Variants in CTNND1 observed in about 807,000 individuals in gnomAD.
CTNND1 encodes the protein catenin delta 1.
CTNND1 carries 16 observed loss-of-function variants against 112.1 expected under a neutral mutation model. The ratio of observed to expected loss-of-function variants is 0.14; its 90% CI spans 0.10 to 0.22. The LOEUF (loss-of-function observed/expected upper bound fraction) is 0.22. Among genes scored for constraint, CTNND1 ranks in the 10% least tolerant of loss-of-function variants. CTNND1 has a pLI of 1.00. For missense variants in CTNND1, 1,008 were observed against 1,257.0 expected, an observed-to-expected ratio of 0.80 and a Z score of 3.00; for synonymous variants, 420 against 446.5, an observed-to-expected ratio of 0.94 and a Z score of 0.75.
intron 7 of CTNND1, among the ~76,000 whole-genome samples, chr11:57,802,819 A>C (rs947418244): frequency 6.6e-6 from 1 of 152,238 alleles, no homozygotes; most frequent in East Asian, 1.9e-4. Context: ...GAATAAAGAA[A>C]AAGTAGTATA....
intron 7 of CTNND1, among the ~76,000 whole-genome samples, chr11:57,803,009 C>T (rs2137157468): frequency 6.6e-6 from 1 of 152,280 alleles, no homozygotes; most frequent in Non-Finnish European, 1.5e-5. Flanking sequence ...GACAAGACAG[C>T]TCCTCATAAC....
chr11:57,793,933 G>A lies in CTNND1; in HGVS notation c.196-77G>A, dbSNP rs2061050640. 2.7e-6 allele frequency: 4 copies of A among 1,469,418 alleles called. No homozygotes were observed. The Admixed American group carries it at 6.8e-5, about 25-fold the overall frequency. The allele number at this position is 1,469,418 out of a possible 1,614,324, so 91.0% of individuals were successfully genotyped here. On this transcript the variant is annotated intron_variant, in intron 3 of 20. Transcript: ENST00000399050. ...CTTCTTGAAAGCCCTTTTCCTGTTTGAAAAAAAGATCGTTTGTATTTGATA... is the reference window on the plus strand; with the variant it reads ...CTTCTTGAAAGCCCTTTTCCTGTTTAAAAAAAAGATCGTTTGTATTTGATA...
In CTNND1 at chr11:57,801,847, G is replaced by T. The variant is rs1216624498; in HGVS notation, c.1071G>T (p.Gly357=). The stretch of plus-strand genomic sequence containing the variant: ...GCTTGGATAGCCTGCGCAAAGGAGG[G>T]CCTCCACCTCCTAATTGGAGACAGC... ...LASLDSLRKG[G]PPPPNWRQPE... Residue 357 remains glycine, a synonymous_variant, in exon 7 of 21, where the codon GGG becomes GGT. Coordinates refer to ENST00000399050, the MANE Select transcript of CTNND1 (RefSeq NM_001085458.2). The T allele has an allele frequency of 2.5e-6, 4 of 1,613,918 alleles. No individual in the cohort carries two copies. In the African/African-American group the frequency reaches 5.3e-5, roughly 22 times the overall value.
chr11:57,777,977 G>A lies in CTNND1; in HGVS notation c.-213-11060G>A, dbSNP rs1280211877. 2.6e-5 allele frequency among the ~76,000 whole-genome samples: 4 copies of A among 152,176 alleles called. No individual in the cohort carries two copies. The East Asian group carries it at 7.7e-4, about 29-fold the overall frequency. On this transcript the variant is annotated intron_variant, in intron 1 of 20. Coordinates refer to ENST00000399050, the MANE Select transcript of CTNND1 (RefSeq NM_001085458.2). ...TATCTCATTCTTGCAGTTAGTGGAG[G>A]ACCTTTATTAGGAGAGGAGGCTTTC...
At chr11:57,769,229 C>T (rs538323947) in intron 1 of CTNND1, among the ~76,000 whole-genome samples, 95 of 151,860 alleles carry the variant, frequency 6.3e-4, no homozygotes, top group Non-Finnish European at 1.0e-3. Context: ...GCAGGAGAAT[C>T]GCTTGAACCC....
intron 11 of CTNND1, 165 bp downstream of exon 11, chr11:57,806,643 G>A (rs1591620063): frequency 1.5e-6 from 1 of 677,604 alleles, no homozygotes. Flanking sequence ...ATAGCTCACG[G>A]CATGCTGTTT....
intron 6 of CTNND1, among the ~76,000 whole-genome samples, chr11:57,799,743 A>T (rs186515271): frequency 6.6e-6 from 1 of 152,324 alleles, no homozygotes. Flanking sequence ...AATTGTTCTT[A>T]TAATTTTGTA....
intron 1 of CTNND1, among the ~76,000 whole-genome samples, chr11:57,763,519 C>T (rs1591061801): frequency 6.6e-6 from 1 of 152,086 alleles, no homozygotes; most frequent in Admixed American, 6.6e-5. Context: ...CAGGAGGAAA[C>T]AGAACTTTGT....
intron 17 of CTNND1, among the ~76,000 whole-genome samples, chr11:57,812,686 T>G (rs1020822476): frequency 6.6e-6 from 1 of 152,144 alleles, no homozygotes; most frequent in African/African-American, 2.4e-5. Flanking sequence ...TTTAATTGTT[T>G]ATTTATTTAT....
chr11:57,799,790 C>G (rs1365251310), intron 6 of CTNND1, among the ~76,000 whole-genome samples: 1 of 151,940 alleles, frequency 6.6e-6, no homozygotes, highest in Non-Finnish European at 1.5e-5. Context: ...CAATACAGAG[C>G]CTGAAAAACC....
rs1163258166 is a variant in CTNND1 at position 57,818,952 on chromosome 11, C to A, written c.*2644C>A. On this transcript the variant is annotated 3_prime_UTR_variant, in exon 21 of 21. Coordinates refer to ENST00000399050, the MANE Select transcript of CTNND1 (RefSeq NM_001085458.2). ...TGTTGCTTCTCAGGCTATATGCAGT[C>A]CTTTAGTCAGAAGTCAATAGGCCTA... 3 of 152,228 alleles carry A rather than the reference C, an allele frequency of 2.0e-5. No individual in the cohort carries two copies. The highest frequency in any genetic ancestry group is 4.4e-5 in the Non-Finnish European group (3 of 68,018). The allele number at this position is 152,228 out of a possible 1,614,324, so 9.4% of individuals were successfully genotyped here. A position where few individuals can be genotyped will look rare whatever the true frequency, so the allele number is the denominator to read the frequency against.
At chr11:57,804,359 T>C (rs1399107941) in intron 8 of CTNND1, among the ~76,000 whole-genome samples, 1 of 152,246 alleles carries the variant, frequency 6.6e-6, no homozygotes, top group East Asian at 1.9e-4. Flanking sequence ...CTCTTTGGAA[T>C]ACACCTCTGT....
At chr11:57,806,843 A>G (rs2062733068) in intron 11 of CTNND1, 72 bp from the exon 12 acceptor site, 1 of 1,330,914 alleles carries the variant, frequency 7.5e-7, no homozygotes, top group Admixed American at 2.0e-5. Context: ...GAAGGATGAA[A>G]AATGTGCCAG....
At chr11:57,792,946 C>A (rs1245221456) in intron 3 of CTNND1, among the ~76,000 whole-genome samples, 2 of 151,440 alleles carry the variant, frequency 1.3e-5, no homozygotes, top group East Asian at 3.9e-4. Context: ...AGGCAGCATG[C>A]TTGCAGTGTT....
At chr11:57,776,980 G>T (rs1954419727) in intron 1 of CTNND1, among the ~76,000 whole-genome samples, 2 of 152,138 alleles carry the variant, frequency 1.3e-5, no homozygotes, top group South Asian at 4.1e-4. Flanking sequence ...TCACACCGTG[G>T]TACTTAATTA....
chr11:57,770,091 G>A (rs1952171478), intron 1 of CTNND1, among the ~76,000 whole-genome samples: 1 of 152,140 alleles, frequency 6.6e-6, no homozygotes, highest in Non-Finnish European at 1.5e-5. Flanking sequence ...CACTTTGGGA[G>A]GCCGAAGGCA....
chr11:57,798,882 G>A (rs1056109245), intron 6 of CTNND1, among the ~76,000 whole-genome samples: 2 of 152,186 alleles, frequency 1.3e-5, no homozygotes, highest in Admixed American at 1.3e-4. Flanking sequence ...TGGCCCATGG[G>A]CTGCCAATGC....
Position 57,808,524 on chromosome 11 carries a change from C to T in CTNND1, c.2226C>T (p.Arg742=). The T allele has an allele frequency of 6.2e-7, 1 of 1,601,468 alleles. No individual in the cohort carries two copies. Among genetic ancestry groups the T allele is most frequent in the Non-Finnish European group, 8.5e-7 (1 of 1,175,522 alleles). The change falls in exon 14 of 21, where the codon CGC becomes CGT. Residue 742 remains arginine, a synonymous_variant. Coordinates refer to ENST00000399050, the MANE Select transcript of CTNND1 (RefSeq NM_001085458.2). ...GALRNLAVDA[R]NKELIGKHAI... is the part of the protein sequence containing the mutation. Reference sequence around the variant, plus strand: ...TGAGAAACCTGGCTGTGGATGCTCGCAACAAAGAATTAATTGGTGAGGAGT... The same window carrying T: ...TGAGAAACCTGGCTGTGGATGCTCGTAACAAAGAATTAATTGGTGAGGAGT...
At position 57,818,456 on chromosome 11, in the gene CTNND1, G is replaced by A. The variant is rs1010740808; in HGVS notation, c.*2148G>A. ...AGTTTTTAAAGTGTGTATGTGGGGG[G>A]TCTGTGTCATTTCTTCACTTCAAGC... On this transcript the variant is annotated 3_prime_UTR_variant, in exon 21 of 21. Coordinates refer to ENST00000399050, the MANE Select transcript of CTNND1 (RefSeq NM_001085458.2). The A allele has an allele frequency of 5.2e-5, 8 of 152,392 alleles. No individual in the cohort carries two copies. Among genetic ancestry groups the A allele is most frequent in the African/African-American group, 1.9e-4 (8 of 41,360 alleles). 9.4% of individuals were successfully genotyped at this position (152,392 alleles called of 1,614,324 possible). A position where few individuals can be genotyped will look rare whatever the true frequency, so the allele number is the denominator to read the frequency against.
Sources: gnomAD v4.1 joint callset for allele counts (sites outside exome capture counted in the v4.1 genomes callset) on GRCh38, gnomAD v4.1.1 for gene constraint, MANE v1.5 for transcripts, NCBI Gene and HGNC (gene_info 2026-07-23, HGNC 2026-07-21) for gene names.